The following IL17RD variants were observed in gnomAD, a reference collection of about 807,000 sequenced individuals.
IL17RD encodes interleukin-17 receptor D.
IL17RD carries 52 observed loss-of-function variants against 80.5 expected under a neutral mutation model. The observed-to-expected ratio is 0.65, with a 90% confidence interval of 0.52 to 0.81. The LOEUF is 0.81. IL17RD is among the 40% of genes least tolerant of loss of function. The probability of loss-of-function intolerance (pLI) is 0.00; values close to 1 mark genes in which losing one functional copy is unlikely to be tolerated. For synonymous variants in IL17RD, 416 were observed against 391.8 expected (o/e 1.06, Z -0.73); for missense variants, 1,024 against 955.1 (o/e 1.07, Z -0.95).
intron 1 of IL17RD, among the ~76,000 whole-genome samples, chr3:57,127,233 A>AATATATAAATATATATATAAAT (rs1707483870): frequency 1.2e-5 from 1 of 86,848 alleles, no homozygotes; most frequent in African/African-American, 5.9e-5. Flanking sequence ...TATATATAAA[A>AATATATAAATATATATATAAAT]ATATATAAAT....
At chr3:57,143,068 A>C (rs532289824) in intron 1 of IL17RD, among the ~76,000 whole-genome samples, 55 of 152,378 alleles carry the variant, frequency 3.6e-4, no homozygotes, top group African/African-American at 1.3e-3. Flanking sequence ...ATAAAAAGAT[A>C]ATCCTAATAA....
rs1360521762 is a variant in IL17RD at position 57,090,742 on chromosome 3, G to A, written c.*5651C>T. On this transcript the variant is annotated 3_prime_UTR_variant, in exon 13 of 13. Coordinates refer to ENST00000296318, the MANE Select transcript of IL17RD (RefSeq NM_017563.5). ...TTTAAAACAACAGATGAGCACATTA[G>A]TGTAATCCAATGGCAATTTTTTGTC... is the stretch of plus-strand genomic sequence containing the variant. The A allele has an allele frequency of 1.3e-5, 2 of 152,200 alleles. No homozygotes were observed. Among genetic ancestry groups the A allele is most frequent in the Non-Finnish European group, 1.5e-5 (1 of 68,032 alleles). The allele number at this position is 152,200 out of a possible 1,614,324, so 9.4% of individuals were successfully genotyped here.
At chr3:57,126,820 G>T (rs1404041884) in intron 1 of IL17RD, among the ~76,000 whole-genome samples, 1 of 152,034 alleles carries the variant, frequency 6.6e-6, no homozygotes, top group Non-Finnish European at 1.5e-5. Context: ...TTTGCACAAA[G>T]AATTGAGAAG....
At chr3:57,157,806 G>T (rs1055544617) in intron 1 of IL17RD, among the ~76,000 whole-genome samples, 1 of 152,142 alleles carries the variant, frequency 6.6e-6, no homozygotes, top group African/African-American at 2.4e-5. Flanking sequence ...ACACCTCTTC[G>T]TTCCAAGGAA....
chr3:57,142,496 G>T (rs1197974071), intron 1 of IL17RD: 2 of 1,288,228 alleles, frequency 1.6e-6, no homozygotes, highest in South Asian at 1.2e-5. Context: ...TGAGGCAGAA[G>T]CGCGTGGCAT....
intron 5 of IL17RD, among the ~76,000 whole-genome samples, chr3:57,108,872 A>G (rs1007009664): frequency 6.6e-6 from 1 of 151,662 alleles, no homozygotes; most frequent in Non-Finnish European, 1.5e-5. Context: ...CTAGCCTCAA[A>G]CTCGTGGGCT....
Position 57,090,632 on chromosome 3 carries a change from G to A in IL17RD, c.*5761C>T, listed in dbSNP as rs774594200. On this transcript the variant is annotated 3_prime_UTR_variant, in exon 13 of 13. Coordinates refer to ENST00000296318, the MANE Select transcript of IL17RD (RefSeq NM_017563.5). ...GTTGGTCAGGCTGGTCTTGAACTCT[G>A]GACCTCAGGTGATCCGCCCACCTTG... 5 of 152,158 alleles carry A rather than the reference G, an allele frequency of 3.3e-5. No individual in the cohort carries two copies. Among genetic ancestry groups the A allele is most frequent in the Non-Finnish European group, 7.3e-5 (5 of 68,046 alleles). 9.4% of individuals were successfully genotyped at this position (152,158 alleles called of 1,614,324 possible).
rs1476106548 is a variant in IL17RD, at chr3:57,127,295, A to T, written c.127-6982T>A. Among the ~76,000 whole-genome samples, 175 of 87,796 alleles carry T rather than the reference A, an allele frequency of 2.0e-3. 8 individuals are homozygous for T. The highest frequency in any genetic ancestry group is 9.1e-3 in the African/African-American group (151 of 16,616). The allele number at this position is 87,796 out of a possible 152,430, so 57.6% of individuals were successfully genotyped here. A position where few individuals can be genotyped will look rare whatever the true frequency, so the allele number is the denominator to read the frequency against. On this transcript the variant is annotated intron_variant, in intron 1 of 12. Coordinates refer to ENST00000296318, the MANE Select transcript of IL17RD (RefSeq NM_017563.5). ...ATAAAAATATATATAAATATATATA[A>T]ATATATATAAAAATATATAAAAATA...
At chr3:57,143,803 G>A (rs1707875644) in intron 1 of IL17RD, among the ~76,000 whole-genome samples, 1 of 152,186 alleles carries the variant, frequency 6.6e-6, no homozygotes, top group Non-Finnish European at 1.5e-5. Flanking sequence ...GACACACCCG[G>A]CTTTTCTGAG....
Position 57,114,836 on chromosome 3 carries a change from G to A in IL17RD, c.185-19C>T. On this transcript the variant is annotated intron_variant, in intron 2 of 12. Coordinates refer to ENST00000296318, the MANE Select transcript of IL17RD (RefSeq NM_017563.5). ...GTACAATCTAGAGAGTAGGGAGAAT[G>A]AGAACAGTTAAATTTAAAATTTCAT... 6.5e-7 allele frequency: 1 copy of A among 1,531,114 alleles called. No individual in the cohort carries two copies. Among genetic ancestry groups the A allele is most frequent in the Non-Finnish European group, 8.8e-7 (1 of 1,139,100 alleles). 94.8% of individuals were successfully genotyped at this position (1,531,114 alleles called of 1,614,324 possible).
rs398105891 is a variant in IL17RD at position 57,140,893 on chromosome 3, CT to C, written c.127-20581del. Among the ~76,000 whole-genome samples the C allele has an allele frequency of 2.3e-3, 332 of 146,066 alleles. 1 individual carries two copies. Among genetic ancestry groups the C allele is most frequent in the Middle Eastern group, 3.5e-3 (1 of 282 alleles). ...AGCAGAGCTGTGACTGACCTTCACACTTTTTTTTTTTTTAATTGGAGACAAG... is the reference window on the plus strand; with the variant it reads ...AGCAGAGCTGTGACTGACCTTCACACTTTTTTTTTTTTAATTGGAGACAAG... On this transcript the variant is annotated intron_variant, in intron 1 of 12. Coordinates refer to ENST00000296318, the MANE Select transcript of IL17RD (RefSeq NM_017563.5).
At chr3:57,126,173 T>C (rs988794064) in intron 1 of IL17RD, among the ~76,000 whole-genome samples, 4 of 152,252 alleles carry the variant, frequency 2.6e-5, no homozygotes, top group Non-Finnish European at 5.9e-5. Context: ...TAAATGCCAA[T>C]GCAGTGGACT....
chr3:57,144,486 ATC>A (rs750994548), intron 1 of IL17RD, among the ~76,000 whole-genome samples: 8 of 152,178 alleles, frequency 5.3e-5, no homozygotes, highest in Non-Finnish European at 1.0e-4. Context: ...CTTAAAGCTT[ATC>A]TCTGTTTTTA....
Position 57,097,677 on chromosome 3 carries a change from G to T in IL17RD, c.2026C>A (p.Leu676Met). 1 of 1,605,786 alleles carries T rather than the reference G, an allele frequency of 6.2e-7. No individual in the cohort carries two copies. The highest frequency in any genetic ancestry group is 2.2e-5 in the East Asian group (1 of 44,610). The change falls in exon 12 of 13, where the codon CTG (leucine) becomes ATG (methionine). Residue 676 changes from leucine (L) to methionine (M), a missense_variant. By Grantham distance (15) the Leu-to-Met change is conservative. Transcript: ENST00000296318. The stretch of plus-strand genomic sequence containing the variant: ...GTCGAGAGTCCTTCCATCAGTGGCA[G>T]AGACAGCTCGGATGAGGGCACAGAC... ...DSSVPSSELS[L>M]PLMEGLSTDQ...
At chr3:57,147,787 AT>A (rs1292996917) in intron 1 of IL17RD, among the ~76,000 whole-genome samples, 1 of 152,150 alleles carries the variant, frequency 6.6e-6, no homozygotes, top group Non-Finnish European at 1.5e-5. Context: ...TAAGTAAAAA[AT>A]AACCATAAAT....
rs1706825374 is a variant in IL17RD, at chr3:57,101,368, A to G, written c.980-5T>C. Reference sequence around the variant, plus strand: ...CTAAATGTGAATATATATTTTCTAAATTGGAAAAGAAGATAAGGTTGATAC... The same window carrying G: ...CTAAATGTGAATATATATTTTCTAAGTTGGAAAAGAAGATAAGGTTGATAC... On this transcript the variant is annotated splice_polypyrimidine_tract_variant and splice_region_variant and intron_variant, in intron 10 of 12. Coordinates refer to ENST00000296318, the MANE Select transcript of IL17RD (RefSeq NM_017563.5). 1 of 1,568,750 alleles carries G rather than the reference A, an allele frequency of 6.4e-7. No individual in the cohort carries two copies. Among genetic ancestry groups the G allele is most frequent in the Non-Finnish European group, 8.7e-7 (1 of 1,148,100 alleles).
intron 9 of IL17RD, among the ~76,000 whole-genome samples, chr3:57,102,835 A>G (rs749351197): frequency 3.9e-5 from 6 of 152,206 alleles, no homozygotes; most frequent in Non-Finnish European, 8.8e-5. Context: ...ATTTTGCCTA[A>G]GGAAATCTCC....
At chr3:57,146,640 C>T (rs1707935764) in intron 1 of IL17RD, among the ~76,000 whole-genome samples, 1 of 150,840 alleles carries the variant, frequency 6.6e-6, no homozygotes. Flanking sequence ...ATCCCAGCTA[C>T]TCAGGAGGCT....
rs1483041349 is a variant in IL17RD, at chr3:57,096,147, G to A, written c.*246C>T. 6.3e-6 allele frequency: 3 copies of A among 476,908 alleles called. No homozygotes were observed. Among genetic ancestry groups the A allele is most frequent in the African/African-American group, 5.8e-5 (3 of 51,476 alleles). 29.5% of individuals were successfully genotyped at this position (476,908 alleles called of 1,614,324 possible). A position where few individuals can be genotyped will look rare whatever the true frequency, so the allele number is the denominator to read the frequency against. ...CTGATCCAAGGACTAACCAAATTTG[G>A]CAAGCTGTTGTCAGACCTTATGGAC... On this transcript the variant is annotated 3_prime_UTR_variant, in exon 13 of 13. Coordinates refer to ENST00000296318, the MANE Select transcript of IL17RD (RefSeq NM_017563.5).
Sources: allele counts gnomAD v4.1 joint callset (sites outside exome capture counted in the v4.1 genomes callset), GRCh38; gene constraint gnomAD v4.1.1; transcripts MANE v1.5; gene names NCBI Gene and HGNC (gene_info 2026-07-23, HGNC 2026-07-21).